Variants in NLGN1 observed in about 807,000 individuals in gnomAD.
The protein encoded by NLGN1 is neuroligin-1.
In NLGN1, 12 loss-of-function variants were observed where a neutral mutation model predicts 65.5. The ratio of observed to expected loss-of-function variants is 0.18; its 90% CI spans 0.12 to 0.30. The LOEUF is 0.30. NLGN1 is among the 10% of genes least tolerant of loss of function. The pLI, the probability that NLGN1 is intolerant of heterozygous loss-of-function variation, is 1.00. For missense variants in NLGN1, 750 were observed against 1,007.1 expected, an observed-to-expected ratio of 0.74 and a Z score of 3.46; for synonymous variants, 350 against 359.5, an observed-to-expected ratio of 0.97 and a Z score of 0.30.
At chr3:173,902,016 G>A (rs528206855) in intron 4 of NLGN1, among the ~76,000 whole-genome samples, 1 of 151,936 alleles carries the variant, frequency 6.6e-6, no homozygotes, top group African/African-American at 2.4e-5. Flanking sequence ...TTTATTATTA[G>A]TACTTTGCTT....
intron 4 of NLGN1, among the ~76,000 whole-genome samples, chr3:174,117,009 G>C (rs1038032385): frequency 6.6e-6 from 1 of 151,958 alleles, no homozygotes; most frequent in South Asian, 2.1e-4. Flanking sequence ...TTTTATATTT[G>C]TAACAGTCAT....
rs1258505408 is a variant in NLGN1, at chr3:173,843,213, G to A, written c.646+35381G>A. Among the ~76,000 whole-genome samples, 6 of 152,174 alleles carry A rather than the reference G, an allele frequency of 3.9e-5. No individual in the cohort carries two copies. In the East Asian group the frequency reaches 7.7e-4, roughly 20 times the overall value. ...GTCCTTAGGCTGCACACAGCACAGGGACCCTGGGCCCAGCACACAAAACCA... is the reference window on the plus strand; with the variant it reads ...GTCCTTAGGCTGCACACAGCACAGGAACCCTGGGCCCAGCACACAAAACCA... On this transcript the variant is annotated intron_variant, in intron 4 of 6. Coordinates refer to ENST00000457714, the Ensembl canonical transcript of NLGN1.
chr3:174,275,371 A>G (rs992673957), exon 5 of NLGN1: 65 of 1,610,898 alleles, frequency 4.0e-5, no homozygotes, highest in Non-Finnish European at 5.4e-5. Context: ...CCTTGATCTC[A>G]TACAAGCTTT....
chr3:174,193,529 A>G (rs2152763174), intron 4 of NLGN1, among the ~76,000 whole-genome samples: 1 of 152,282 alleles, frequency 6.6e-6, no homozygotes, highest in Admixed American at 6.5e-5. Context: ...CAGAGGCCAC[A>G]CACACAAATC....
intron 2 of NLGN1, among the ~76,000 whole-genome samples, chr3:173,527,622 C>T (rs112667973): frequency 0.08 from 12,175 of 152,218 alleles, 1,540 homozygotes; most frequent in African/African-American, 0.27. Context: ...TAGTCTCGAT[C>T]TCCTGACCTC....
intron 4 of NLGN1, among the ~76,000 whole-genome samples, chr3:174,070,704 G>A (rs1343954769): frequency 6.6e-6 from 1 of 152,156 alleles, no homozygotes; most frequent in Non-Finnish European, 1.5e-5. Flanking sequence ...TTATGAGAAT[G>A]TCAGGGTTGG....
chr3:174,194,806 AATG>A (rs1351975016), intron 4 of NLGN1, among the ~76,000 whole-genome samples: 5 of 149,928 alleles, frequency 3.3e-5, no homozygotes, highest in South Asian at 2.1e-4. Flanking sequence ...AAAAAAAGGA[AATG>A]AGACCCAGAA....
rs1193054552 is a variant in NLGN1, at chr3:173,855,084, T to C, written c.646+47252T>C. Among the ~76,000 whole-genome samples the C allele has an allele frequency of 2.0e-5, 3 of 152,028 alleles. No individual in the cohort carries two copies. The East Asian group carries it at 5.8e-4, about 29-fold the overall frequency. ...GAATAAAAGAAAATGTCCCATAGTC[T>C]GTCACTTTAGACGCTTTAACAGTGT... is the stretch of plus-strand genomic sequence containing the variant. On this transcript the variant is annotated intron_variant, in intron 4 of 6. Transcript: ENST00000457714.
intron 3 of NLGN1, among the ~76,000 whole-genome samples, chr3:173,613,278 G>A (rs1441381228): frequency 2.6e-5 from 4 of 152,002 alleles, no homozygotes; most frequent in African/African-American, 9.7e-5. Context: ...GGTTAAATAA[G>A]TTGCCCAAGT....
intron 3 of NLGN1, among the ~76,000 whole-genome samples, chr3:173,795,373 A>T (rs1713815225): frequency 6.6e-6 from 1 of 152,156 alleles, no homozygotes; most frequent in Non-Finnish European, 1.5e-5. Flanking sequence ...CCAGAAAGAA[A>T]ATTATTTTTC....
intron 2 of NLGN1, among the ~76,000 whole-genome samples, chr3:173,447,513 T>C (rs1056018847): frequency 1.3e-5 from 2 of 152,234 alleles, no homozygotes; most frequent in African/African-American, 4.8e-5. Context: ...CCTCCAGCTT[T>C]GTTCTTTTGG....
At chr3:173,632,849 G>GTTTTTTTTTTTTTTTTTTTTTTT (rs5854526) in intron 3 of NLGN1, among the ~76,000 whole-genome samples, 38 of 116,410 alleles carry the variant, frequency 3.3e-4, no homozygotes, top group Admixed American at 7.5e-4. Context: ...TTTTTTTTTT[G>GTTTTTTTTTTTTTTTTTTTTTTT]TTTTTTTTTT....
rs1010691830 is a variant in NLGN1 at position 174,122,742 on chromosome 3, C to A, written c.647-152573C>A. On this transcript the variant is annotated intron_variant, in intron 4 of 6. Transcript: ENST00000457714. ...CTGGTTTTTCCCTCACATGGAAAATCATTTCCTACCCTTGCTTAATTTATG... is the reference window on the plus strand; with the variant it reads ...CTGGTTTTTCCCTCACATGGAAAATAATTTCCTACCCTTGCTTAATTTATG... Among the ~76,000 whole-genome samples, 13 of 152,146 alleles carry A rather than the reference C, an allele frequency of 8.5e-5. No homozygotes were observed. The East Asian group carries it at 2.5e-3, about 29-fold the overall frequency.
chr3:173,552,364 T>C (rs1034648575), intron 2 of NLGN1, among the ~76,000 whole-genome samples: 1 of 152,170 alleles, frequency 6.6e-6, no homozygotes, highest in South Asian at 2.1e-4. Flanking sequence ...GTTTTTTTTT[T>C]CTCAAAGGAT....
intron 4 of NLGN1, among the ~76,000 whole-genome samples, chr3:174,273,232 C>T (rs1577736334): frequency 1.3e-5 from 2 of 151,618 alleles, no homozygotes; most frequent in Non-Finnish European, 3.0e-5. Context: ...TTGAATGTAA[C>T]TGCAATTACT....
chr3:173,620,606 A>C (rs1468490077), intron 3 of NLGN1, among the ~76,000 whole-genome samples: 2 of 152,180 alleles, frequency 1.3e-5, no homozygotes, highest in African/African-American at 4.8e-5. Context: ...ATACTGAACA[A>C]ATTTTTAATC....
At chr3:174,109,445 T>C (rs1281247975) in intron 4 of NLGN1, among the ~76,000 whole-genome samples, 2 of 152,044 alleles carry the variant, frequency 1.3e-5, no homozygotes, top group African/African-American at 4.8e-5. Flanking sequence ...TTTTTTATTC[T>C]CTATTCCTCA....
At chr3:173,927,591 G>A (rs1743246210) in intron 4 of NLGN1, among the ~76,000 whole-genome samples, 2 of 152,048 alleles carry the variant, frequency 1.3e-5, no homozygotes, top group South Asian at 4.1e-4. Context: ...AGTGTAAGAG[G>A]AAGATGGGGA....
rs139623158 is a variant in NLGN1 at position 173,811,256 on chromosome 3, A to C, written c.646+3424A>C. On this transcript the variant is annotated intron_variant, in intron 4 of 6. Transcript: ENST00000457714. ...TAAACATTCTATTGTATGGTTTATAATCATCTTAGAAATGTAGGGAGAAAT... is the reference window on the plus strand; with the variant it reads ...TAAACATTCTATTGTATGGTTTATACTCATCTTAGAAATGTAGGGAGAAAT... 2.4e-4 allele frequency among the ~76,000 whole-genome samples: 37 copies of C among 152,198 alleles called. No individual in the cohort carries two copies. The East Asian group carries it at 5.4e-3, about 22-fold the overall frequency.
Sources: gnomAD v4.1 joint callset for allele counts (sites outside exome capture counted in the v4.1 genomes callset) on GRCh38, gnomAD v4.1.1 for gene constraint, MANE v1.5 for transcripts, NCBI Gene and HGNC (gene_info 2026-07-23, HGNC 2026-07-21) for gene names.